The following PLPP7 variants were observed in gnomAD, a reference collection of about 807,000 sequenced individuals.
PLPP7 encodes the protein inactive phospholipid phosphatase 7.
In PLPP7, 11 loss-of-function variants were observed where a neutral mutation model predicts 16.9. The observed-to-expected ratio is 0.65, with a 90% CI of 0.41 to 1.08. The LOEUF (loss-of-function observed/expected upper bound fraction) is 1.08. Ranked by LOEUF, PLPP7 falls within the 50% of genes least tolerant of loss-of-function variation. The pLI, the probability that PLPP7 is intolerant of heterozygous loss-of-function variation, is 0.00. For missense variants in PLPP7, 358 were observed against 397.1 expected (o/e 0.90, Z 0.84); for synonymous variants, 174 against 175.1 (o/e 0.99, Z 0.05).
intron 1 of PLPP7, among the ~76,000 whole-genome samples, chr9:131,302,928 C>A (rs1219357585): frequency 6.6e-6 from 1 of 152,228 alleles, no homozygotes; most frequent in African/African-American, 2.4e-5. Flanking sequence ...AGGTGCACCA[C>A]AGTGCCTCAC....
rs777964926 is a variant in PLPP7, at chr9:131,290,086, A to C, written c.89A>C (p.Lys30Thr). ...AEFLSLNQPPKGGPEPRSSGR... is the reference protein window; with the variant it reads ...AEFLSLNQPPTGGPEPRSSGR... ...TTCCTGTCCCTGAACCAGCCCCCCA[A>C]GGGGGGCCCGGAGCCCCGCAGCTCG... is the stretch of plus-strand genomic sequence containing the variant. The change falls in exon 1 of 2, where the codon AAG becomes ACG. Residue 30 changes from lysine to threonine, a missense_variant. By Grantham distance (78) the Lys-to-Thr change is moderately conservative. Transcript: ENST00000372264. The surrounding 1 kb of genome is among the most constrained non-coding windows in gnomAD (Gnocchi z 4.2). 1.3e-6 allele frequency: 2 copies of C among 1,510,434 alleles called. No individual in the cohort carries two copies. Among genetic ancestry groups the C allele is most frequent in the Non-Finnish European group, 1.8e-6 (2 of 1,130,452 alleles). The allele number at this position is 1,510,434 out of a possible 1,614,324, so 93.6% of individuals were successfully genotyped here. A position where few individuals can be genotyped will look rare whatever the true frequency, so the allele number is the denominator to read the frequency against.
At chr9:131,298,769 C>CA (rs1835763917) in intron 1 of PLPP7, among the ~76,000 whole-genome samples, 1 of 152,222 alleles carries the variant, frequency 6.6e-6, no homozygotes, top group Admixed American at 6.5e-5. Context: ...TGGGAGCCTC[C>CA]AGCACTCTGG....
chr9:131,304,777 C>T (rs1294682603), intron 1 of PLPP7, among the ~76,000 whole-genome samples: 3 of 152,240 alleles, frequency 2.0e-5, no homozygotes, highest in Non-Finnish European at 4.4e-5. Context: ...AGGCACAGCC[C>T]CTGCCTCCAC....
At position 131,290,177 on chromosome 9, in the gene PLPP7, C is replaced by A. The variant is rs1277956637; in HGVS notation, c.180C>A (p.Arg60=). The part of the protein sequence containing the change: ...PPAGDGARER[R]QSQQLPEEDC... ...CTGGTGACGGGGCCAGAGAGCGACGCCAGTCACAGCAGCTGCCAGAGGAGG... is the reference window on the plus strand; with the variant it reads ...CTGGTGACGGGGCCAGAGAGCGACGACAGTCACAGCAGCTGCCAGAGGAGG... Residue 60 remains arginine, a synonymous_variant, in exon 1 of 2, where the codon CGC becomes CGA. Transcript: ENST00000372264. This position sits in a 1 kb window ranked among gnomAD's most constrained non-coding sequence, Gnocchi z 4.2. 3 of 1,584,500 alleles carry A rather than the reference C, an allele frequency of 1.9e-6. No individual in the cohort carries two copies. In the African/African-American group the frequency reaches 4.0e-5, roughly 21 times the overall value.
Position 131,308,104 on chromosome 9 carries a change from G to T in PLPP7, c.633G>T (p.Ala211=), listed in dbSNP as rs147460525. The T allele has an allele frequency of 1.1e-5, 17 of 1,601,358 alleles. No individual in the cohort carries two copies. The African/African-American group carries it at 2.3e-4, about 21-fold the overall frequency. Residue 211 remains alanine, a synonymous_variant, in exon 2 of 2, where the codon GCG becomes GCT. Transcript: ENST00000372264. ...SKFFLSHLVL[A]VPLRVLLVLW... ...TCTTCCTCAGCCACCTGGTGCTGGCGGTGCCCCTGCGTGTGCTGCTGGTGC... is the reference window on the plus strand; with the variant it reads ...TCTTCCTCAGCCACCTGGTGCTGGCTGTGCCCCTGCGTGTGCTGCTGGTGC...
intron 1 of PLPP7, among the ~76,000 whole-genome samples, chr9:131,304,351 G>A (rs537379830): frequency 6.6e-6 from 1 of 152,374 alleles, no homozygotes; most frequent in South Asian, 2.1e-4. Context: ...GGGAAAGAAA[G>A]GCCAGGCGCA....
chr9:131,293,486 G>A (rs1835704576), intron 1 of PLPP7, among the ~76,000 whole-genome samples: 1 of 152,182 alleles, frequency 6.6e-6, no homozygotes, highest in Admixed American at 6.5e-5. Context: ...GCAGCAAATG[G>A]CCAAGGCAGG....
In PLPP7 at chr9:131,300,950, T is replaced by TTTTA. The variant is rs936152008; in HGVS notation, c.452-6963_452-6960dup. Among the ~76,000 whole-genome samples, 3 of 152,078 alleles carry TTTTA rather than the reference T, an allele frequency of 2.0e-5. No homozygotes were observed. The South Asian group carries it at 6.2e-4, about 32-fold the overall frequency. ...TAGGGCCCTGTGCTGGAAAGGCAGA[T>TTTTA]TTTATTTATTTATGTATTTATTTAT... On this transcript the variant is annotated intron_variant, in intron 1 of 1. Coordinates refer to ENST00000372264, the MANE Select transcript of PLPP7 (RefSeq NM_032728.4).
At position 131,309,018 on chromosome 9, in the gene PLPP7, G is replaced by T. The variant is rs1409224355; in HGVS notation, c.*731G>T. On this transcript the variant is annotated 3_prime_UTR_variant, in exon 2 of 2. Transcript: ENST00000372264. ...GCTATTAACCCCCAAGGAATTATTGGTTCCTCAAGTGCGTTTTGGGAGCTG... is the reference window on the plus strand; with the variant it reads ...GCTATTAACCCCCAAGGAATTATTGTTTCCTCAAGTGCGTTTTGGGAGCTG... 2.0e-5 allele frequency: 3 copies of T among 152,416 alleles called. No homozygotes were observed. Among genetic ancestry groups the T allele is most frequent in the African/African-American group, 7.2e-5 (3 of 41,444 alleles). The allele number at this position is 152,416 out of a possible 1,614,324, so 9.4% of individuals were successfully genotyped here. A position where few individuals can be genotyped will look rare whatever the true frequency, so the allele number is the denominator to read the frequency against.
intron 1 of PLPP7, among the ~76,000 whole-genome samples, chr9:131,299,943 A>T (rs1421587155): frequency 6.6e-6 from 1 of 151,926 alleles, no homozygotes; most frequent in Non-Finnish European, 1.5e-5. Flanking sequence ...GGGGGCAGAT[A>T]CCCCCCGTCA....
intron 1 of PLPP7, among the ~76,000 whole-genome samples, chr9:131,294,570 C>T (rs1241330554): frequency 1.3e-5 from 2 of 152,192 alleles, no homozygotes; most frequent in Non-Finnish European, 2.9e-5. Context: ...TAAGCCCATC[C>T]TTGTTTCCTC....
rs1588206391 is a variant in PLPP7 at position 131,290,502 on chromosome 9, G to A, written c.451+54G>A. ...TGTCAGGCCCCTCGGGAGGCAGCCT[G>A]GCCTGCCCAACCCCACCCTGGCCGG... On this transcript the variant is annotated intron_variant, in intron 1 of 1. Transcript: ENST00000372264. The surrounding 1 kb of genome is among the most constrained non-coding windows in gnomAD (Gnocchi z 4.2). The A allele has an allele frequency of 4.1e-6, 6 of 1,457,476 alleles. No homozygotes were observed. In the South Asian group the frequency reaches 4.4e-5, roughly 11 times the overall value. 90.3% of individuals were successfully genotyped at this position (1,457,476 alleles called of 1,614,324 possible). A position where few individuals can be genotyped will look rare whatever the true frequency, so the allele number is the denominator to read the frequency against.
chr9:131,289,770 C>T lies in PLPP7; in HGVS notation c.-228C>T, dbSNP rs374458348. On this transcript the variant is annotated 5_prime_UTR_variant, in exon 1 of 2. Coordinates refer to ENST00000372264, the MANE Select transcript of PLPP7 (RefSeq NM_032728.4). ...CCGGAGGCTCTGCTGGTGCAGGCCC[C>T]GCATTGGAGGGCTCGATTGGCTGCC... The T allele has an allele frequency of 1.7e-4, 68 of 401,406 alleles. No homozygotes were observed. The highest frequency in any genetic ancestry group is 1.3e-3 in the East Asian group (35 of 27,816). The allele number at this position is 401,406 out of a possible 1,614,324, so 24.9% of individuals were successfully genotyped here.
At chr9:131,307,578 A>AAAAAAC in intron 1 of PLPP7, among the ~76,000 whole-genome samples, 1 of 149,394 alleles carries the variant, frequency 6.7e-6, no homozygotes, top group African/African-American at 2.5e-5. Context: ...AAAAAAAAAA[A>AAAAAAC]AAAAAACCCA....
rs1342236339 is a variant in PLPP7, at chr9:131,308,961, AT to A, written c.*677del. On this transcript the variant is annotated 3_prime_UTR_variant, in exon 2 of 2. Coordinates refer to ENST00000372264, the MANE Select transcript of PLPP7 (RefSeq NM_032728.4). ...TCTTTAACCCATGTTTTCTAAACTT[AT>A]TTGACCACAGAACCCTTTTCTTGGG... is the stretch of plus-strand genomic sequence containing the variant. 2.0e-5 allele frequency: 3 copies of A among 152,294 alleles called. No homozygotes were observed. The highest frequency in any genetic ancestry group is 2.9e-5 in the Non-Finnish European group (2 of 68,062). 9.4% of individuals were successfully genotyped at this position (152,294 alleles called of 1,614,324 possible).
chr9:131,296,996 C>G (rs977896002), intron 1 of PLPP7, among the ~76,000 whole-genome samples: 1 of 152,198 alleles, frequency 6.6e-6, no homozygotes, highest in Non-Finnish European at 1.5e-5. Context: ...TGGGAAACCG[C>G]ACATGCTACC....
At chr9:131,297,855 A>T (rs1255066415) in intron 1 of PLPP7, among the ~76,000 whole-genome samples, 1 of 152,140 alleles carries the variant, frequency 6.6e-6, no homozygotes. Flanking sequence ...TTCTCTGTAT[A>T]TAAGCACGTT....
In PLPP7 at chr9:131,289,754, C is replaced by T. The variant is rs980918352; in HGVS notation, c.-244C>T. The T allele has an allele frequency of 1.9e-4, 75 of 396,520 alleles. No individual in the cohort carries two copies. In the East Asian group the frequency reaches 2.6e-3, roughly 14 times the overall value. The allele number at this position is 396,520 out of a possible 1,614,324, so 24.6% of individuals were successfully genotyped here. A position where few individuals can be genotyped will look rare whatever the true frequency, so the allele number is the denominator to read the frequency against. ...GTGGACTCCTCACCTCCCGGAGGCT[C>T]TGCTGGTGCAGGCCCCGCATTGGAG... On this transcript the variant is annotated 5_prime_UTR_variant, in exon 1 of 2. Coordinates refer to ENST00000372264, the MANE Select transcript of PLPP7 (RefSeq NM_032728.4).
Position 131,290,228 on chromosome 9 carries a change from C to T in PLPP7, c.231C>T (p.Phe77=), listed in dbSNP as rs753145962. 6.2e-7 allele frequency: 1 copy of T among 1,609,578 alleles called. No homozygotes were observed. The highest frequency in any genetic ancestry group is 8.5e-7 in the Non-Finnish European group (1 of 1,177,564). Reference sequence around the variant, plus strand: ...ACTGCATGCAGCTGAACCCCTCCTTCAAGGGCATCGCCTTCAACTCCCTGC... The same window carrying T: ...ACTGCATGCAGCTGAACCCCTCCTTTAAGGGCATCGCCTTCAACTCCCTGC... ...EEDCMQLNPS[F]KGIAFNSLLA... Residue 77 remains phenylalanine, a synonymous_variant, in exon 1 of 2, where the codon TTC becomes TTT. Transcript: ENST00000372264. The surrounding 1 kb of genome is among the most constrained non-coding windows in gnomAD (Gnocchi z 4.2).
Sources: allele counts gnomAD v4.1 joint callset (sites outside exome capture counted in the v4.1 genomes callset), GRCh38; gene constraint gnomAD v4.1.1; non-coding constraint Gnocchi (gnomAD v3.1); transcripts MANE v1.5; gene names NCBI Gene and HGNC (gene_info 2026-07-23, HGNC 2026-07-21).